AIF1L: variants seen among roughly 807,000 people sequenced by gnomAD.
The protein encoded by AIF1L is allograft inflammatory factor 1 like.
A neutral mutation model predicts 20.7 loss-of-function variants in AIF1L; 12 were observed. That is an observed-to-expected ratio of 0.58 (90% CI 0.37 to 0.94). AIF1L has a LOEUF of 0.94. Ranked by LOEUF, AIF1L falls within the 40% of genes least tolerant of loss-of-function variation. AIF1L has a pLI of 0.01. For missense variants in AIF1L, 173 were observed against 185.3 expected (o/e 0.93, Z 0.39); for synonymous variants, 76 against 65.1 (o/e 1.17, Z -0.81).
chr9:131,100,269 TC>T (rs1281988787), intron 2 of AIF1L, among the ~76,000 whole-genome samples: 1 of 152,174 alleles, frequency 6.6e-6, no homozygotes, highest in East Asian at 1.9e-4. Flanking sequence ...GGCCTAGAAA[TC>T]CCAGTAGAGG....
At chr9:131,099,525 C>G (rs1292034578) in intron 2 of AIF1L, among the ~76,000 whole-genome samples, 1 of 152,108 alleles carries the variant, frequency 6.6e-6, no homozygotes, top group African/African-American at 2.4e-5. Flanking sequence ...ATTCTGGGGG[C>G]CTGGGCTAAG....
intron 3 of AIF1L, among the ~76,000 whole-genome samples, chr9:131,112,719 C>T (rs2133395018): frequency 6.6e-6 from 1 of 152,238 alleles, no homozygotes; most frequent in Non-Finnish European, 1.5e-5. Flanking sequence ...CGCTATGATG[C>T]TTTTTACATG....
At chr9:131,110,202 A>C (rs1367328766) in intron 2 of AIF1L, among the ~76,000 whole-genome samples, 2 of 152,114 alleles carry the variant, frequency 1.3e-5, no homozygotes, top group African/African-American at 4.8e-5. Context: ...ACAGAGCAAG[A>C]CCCTGTTTCA....
chr9:131,113,259 A>G (rs1311549394), intron 3 of AIF1L, among the ~76,000 whole-genome samples: 1 of 151,774 alleles, frequency 6.6e-6, no homozygotes, highest in Non-Finnish European at 1.5e-5. Flanking sequence ...GCACTTTGGG[A>G]GGCCGAGGTG....
At position 131,111,656 on chromosome 9, in the gene AIF1L, C is replaced by T. The variant is rs200664308; in HGVS notation, c.153C>T (p.Ala51=). The change falls in exon 3 of 6, where the codon GCC becomes GCT. Residue 51 remains alanine (A), a synonymous_variant. Coordinates refer to ENST00000247291, the MANE Select transcript of AIF1L (RefSeq NM_031426.4). ...DEENLPEKLT[A]FKEKYMEFDL... ...AGAACCTTCCAGAAAAGCTCACAGC[C>T]TTCAAAGGTAAGCTGGGGCGGGCTG... The T allele has an allele frequency of 2.2e-4, 358 of 1,613,868 alleles. 2 individuals carry two copies. Among genetic ancestry groups the T allele is most frequent in the Admixed American group, 2.0e-3 (120 of 60,002 alleles).
At chr9:131,107,008 G>A (rs1219863215) in intron 2 of AIF1L, among the ~76,000 whole-genome samples, 3 of 152,166 alleles carry the variant, frequency 2.0e-5, no homozygotes, top group African/African-American at 4.8e-5. Context: ...CAGGAGAATT[G>A]CTTGAACTCG....
chr9:131,116,284 G>A (rs1483417885), intron 4 of AIF1L, among the ~76,000 whole-genome samples: 1 of 152,010 alleles, frequency 6.6e-6, no homozygotes, highest in African/African-American at 2.4e-5. Flanking sequence ...CTTTTTTTGA[G>A]ACATAGTCTC....
chr9:131,118,033 A>G (rs997021968), intron 5 of AIF1L, 115 bp downstream of exon 5: 1 of 1,082,196 alleles, frequency 9.2e-7, no homozygotes, highest in Non-Finnish European at 1.3e-6. Flanking sequence ...TCATTGTGCG[A>G]CCTGCTGGAC....
chr9:131,108,987 C>T (rs540804829), intron 2 of AIF1L, among the ~76,000 whole-genome samples: 1 of 152,254 alleles, frequency 6.6e-6, no homozygotes, highest in African/African-American at 2.4e-5. Context: ...GTTCTCTGTC[C>T]TAAGAGATAT....
At chr9:131,115,828 G>C (rs1446915565) in intron 4 of AIF1L, among the ~76,000 whole-genome samples, 1 of 151,912 alleles carries the variant, frequency 6.6e-6, no homozygotes, top group Non-Finnish European at 1.5e-5. Flanking sequence ...GCAAAAATTA[G>C]CCGGGCATGG....
At chr9:131,106,124 G>A (rs1293235214) in intron 2 of AIF1L, 14 of 1,510,506 alleles carry the variant, frequency 9.3e-6, no homozygotes, top group South Asian at 8.4e-5. Context: ...GCACTTCGAC[G>A]CTAAACCTGT....
intron 4 of AIF1L, 146 bp from the exon 5 acceptor site, chr9:131,117,610 G>A: frequency 1.3e-6 from 1 of 766,110 alleles, no homozygotes; most frequent in Non-Finnish European, 2.1e-6. Context: ...AGAGAGCAGG[G>A]AGGGCGTGAT....
chr9:131,117,591 G>A (rs73658931), intron 4 of AIF1L, among the ~76,000 whole-genome samples, 165 bp from the exon 5 acceptor site: 5,376 of 152,228 alleles, frequency 0.035, 131 homozygotes, highest in African/African-American at 0.05. Context: ...TAGCCTATAC[G>A]GCCTCCAAAG....
In AIF1L at chr9:131,096,802, G is replaced by A. The variant is rs776090073; in HGVS notation, c.32G>A (p.Gly11Glu). 6.5e-6 allele frequency: 10 copies of A among 1,534,264 alleles called. No homozygotes were observed. The highest frequency in any genetic ancestry group is 2.4e-5 in the South Asian group (2 of 82,470). Residue 11 changes from glycine (G) to glutamate (E), a missense_variant and splice_region_variant, in exon 2 of 6, where the codon GGA becomes GAA. Physicochemically the swap from Gly to Glu is moderately conservative, Grantham distance 98. Coordinates refer to ENST00000247291, the MANE Select transcript of AIF1L (RefSeq NM_031426.4). MSGELSNRFQ[G>E]GKAFGLLKAR... ...CAGGCCGCCTCTTTGTCTCCTCCAG[G>A]AGGGAAGGCGTTCGGCTTGCTCAAA...
In AIF1L at chr9:131,096,616, G is replaced by A. The variant is rs913251887; in HGVS notation, c.-14G>A. ...TCCGCGAAGCCTGGAGCCGGCGGGA[G>A]CCCCGCGCTCGCCATGTCGGGCGAG... is the stretch of plus-strand genomic sequence containing the variant. On this transcript the variant is annotated 5_prime_UTR_variant, in exon 1 of 6. Coordinates refer to ENST00000247291, the MANE Select transcript of AIF1L (RefSeq NM_031426.4). The A allele has an allele frequency of 5.2e-4, 769 of 1,484,460 alleles. 1 individual carries two copies. The highest frequency in any genetic ancestry group is 6.6e-4 in the Non-Finnish European group (744 of 1,125,748). The allele number at this position is 1,484,460 out of a possible 1,614,324, so 92.0% of individuals were successfully genotyped here. A position where few individuals can be genotyped will look rare whatever the true frequency, so the allele number is the denominator to read the frequency against.
intron 2 of AIF1L, among the ~76,000 whole-genome samples, chr9:131,110,744 C>G (rs1008690961): frequency 6.6e-6 from 1 of 151,438 alleles, no homozygotes; most frequent in Non-Finnish European, 1.5e-5. Flanking sequence ...CTCAGGTGAT[C>G]GGCCCACCTT....
Position 131,121,237 on chromosome 9 carries a change from TG to T in AIF1L, c.*916del, listed in dbSNP as rs1831131924. 3.1e-6 allele frequency: 2 copies of T among 636,686 alleles called. No individual in the cohort carries two copies. The highest frequency in any genetic ancestry group is 1.8e-5 in the African/African-American group (1 of 55,620). 39.4% of individuals were successfully genotyped at this position (636,686 alleles called of 1,614,324 possible). A position where few individuals can be genotyped will look rare whatever the true frequency, so the allele number is the denominator to read the frequency against. On this transcript the variant is annotated 3_prime_UTR_variant, in exon 6 of 6. Transcript: ENST00000247291. ...GTCTGACCCCAATCTGCTTGAAACC[TG>T]ACTCTGCTTCTCTCATTTGTCTTCC...
intron 3 of AIF1L, 71 bp downstream of exon 3, chr9:131,111,734 G>A: frequency 1.4e-6 from 2 of 1,443,624 alleles, no homozygotes; most frequent in Non-Finnish European, 1.9e-6. Context: ...TTGCACACAG[G>A]ACCCCTCAGC....
intron 3 of AIF1L, 52 bp from the exon 4 acceptor site, chr9:131,114,525 C>T: frequency 1.9e-6 from 3 of 1,605,530 alleles, no homozygotes; most frequent in Non-Finnish European, 1.7e-6. Context: ...TGGGTCCCCA[C>T]AGGGAGACGC....
Sources: allele counts gnomAD v4.1 joint callset (sites outside exome capture counted in the v4.1 genomes callset), GRCh38; gene constraint gnomAD v4.1.1; transcripts MANE v1.5; gene names NCBI Gene and HGNC (gene_info 2026-07-23, HGNC 2026-07-21).